The following IMMP2L variants were observed in gnomAD, a reference collection of about 807,000 sequenced individuals.
IMMP2L encodes mitochondrial inner membrane protease subunit 2.
In IMMP2L, 18 loss-of-function variants were observed where a neutral mutation model predicts 19.3. That is an observed-to-expected ratio of 0.93 (90% CI 0.64 to 1.38). IMMP2L has a LOEUF of 1.38. IMMP2L is among the 40% of genes most tolerant of loss of function. The pLI is 0.00. For missense variants in IMMP2L, 233 were observed against 218.2 expected, an observed-to-expected ratio of 1.07 and a Z score of -0.43; for synonymous variants, 76 against 73.0, an observed-to-expected ratio of 1.04 and a Z score of -0.21.
chr7:110,682,779 A>T (rs1456194416), intron 5 of IMMP2L, among the ~76,000 whole-genome samples: 1 of 152,134 alleles, frequency 6.6e-6, no homozygotes, highest in Non-Finnish European at 1.5e-5. Context: ...TAGAACTTAG[A>T]GATTCAGGAG....
At chr7:111,528,336 T>C (rs530400943) in intron 1 of IMMP2L, among the ~76,000 whole-genome samples, 1 of 152,268 alleles carries the variant, frequency 6.6e-6, no homozygotes, top group Admixed American at 6.5e-5. Context: ...AAGGGAATAA[T>C]TTTTATCAGT....
intron 4 of IMMP2L, among the ~76,000 whole-genome samples, chr7:110,941,732 A>G (rs1166763608): frequency 1.3e-5 from 2 of 152,156 alleles, no homozygotes; most frequent in African/African-American, 2.4e-5. Context: ...GTGAAATCTA[A>G]TATTAAGTAA....
At chr7:111,558,232 A>G (rs1166937603) in intron 1 of IMMP2L, among the ~76,000 whole-genome samples, 1 of 151,960 alleles carries the variant, frequency 6.6e-6, no homozygotes, top group African/African-American at 2.4e-5. Flanking sequence ...TCAGTTCACA[A>G]CCCCTCTCCT....
At chr7:111,504,417 A>G (rs1248472817) in intron 2 of IMMP2L, among the ~76,000 whole-genome samples, 1 of 151,596 alleles carries the variant, frequency 6.6e-6, no homozygotes, top group East Asian at 1.9e-4. Flanking sequence ...TATAGATTCA[A>G]TGCCATCCCC....
intron 3 of IMMP2L, among the ~76,000 whole-genome samples, chr7:111,451,095 CT>C (rs1288349847): frequency 6.8e-6 from 1 of 147,018 alleles, no homozygotes; most frequent in Non-Finnish European, 1.5e-5. Flanking sequence ...AATAGGAACA[CT>C]TTTACACTGT....
chr7:111,061,676 C>G (rs1255478705), intron 3 of IMMP2L, among the ~76,000 whole-genome samples: 1 of 152,172 alleles, frequency 6.6e-6, no homozygotes, highest in Non-Finnish European at 1.5e-5. Flanking sequence ...TAGCAAACTT[C>G]TAAGAGGTCT....
At chr7:111,464,198 C>A (rs552377409) in intron 3 of IMMP2L, among the ~76,000 whole-genome samples, 34 of 152,266 alleles carry the variant, frequency 2.2e-4, no homozygotes, top group African/African-American at 7.9e-4. Flanking sequence ...GCCAGGATTA[C>A]AGGTATAGCT....
intron 5 of IMMP2L, among the ~76,000 whole-genome samples, chr7:110,673,606 G>A (rs914154764): frequency 3.9e-5 from 6 of 152,114 alleles, no homozygotes; most frequent in Non-Finnish European, 5.9e-5. Context: ...AATTTCTTCC[G>A]GCAGATATCC....
intron 5 of IMMP2L, among the ~76,000 whole-genome samples, chr7:110,769,665 T>C (rs1005086464): frequency 2.6e-5 from 4 of 152,056 alleles, no homozygotes; most frequent in African/African-American, 9.7e-5. Flanking sequence ...ATCCATGCTA[T>C]TCTGATCACC....
chr7:111,259,846 G>C (rs189666561), intron 3 of IMMP2L, among the ~76,000 whole-genome samples: 2 of 152,054 alleles, frequency 1.3e-5, no homozygotes, highest in Non-Finnish European at 2.9e-5. Context: ...TTTAAAAAAT[G>C]TTTTAAATAT....
intron 2 of IMMP2L, among the ~76,000 whole-genome samples, chr7:111,511,289 T>C (rs936370960): frequency 3.9e-5 from 6 of 151,912 alleles, no homozygotes; most frequent in African/African-American, 7.3e-5. Flanking sequence ...TCTTTTTGCT[T>C]CTCATATATC....
At chr7:110,820,754 G>A (rs538928428) in intron 5 of IMMP2L, among the ~76,000 whole-genome samples, 54 of 152,050 alleles carry the variant, frequency 3.6e-4, no homozygotes, top group Middle Eastern at 3.4e-3. Context: ...TACTCATGAT[G>A]GCACAGACTC....
intron 3 of IMMP2L, among the ~76,000 whole-genome samples, chr7:111,000,179 C>T (rs1280325093): frequency 1.3e-5 from 2 of 152,088 alleles, no homozygotes; most frequent in South Asian, 2.1e-4. Flanking sequence ...TCAATTAATC[C>T]CTGTTTACAT....
intron 4 of IMMP2L, among the ~76,000 whole-genome samples, chr7:110,911,291 A>C (rs1218004156): frequency 6.6e-6 from 1 of 152,158 alleles, no homozygotes; most frequent in African/African-American, 2.4e-5. Flanking sequence ...GCATGCATTC[A>C]AATTCAGCTT....
intron 3 of IMMP2L, among the ~76,000 whole-genome samples, chr7:111,349,908 T>C (rs1354312297): frequency 6.6e-6 from 1 of 151,940 alleles, no homozygotes; most frequent in Non-Finnish European, 1.5e-5. Context: ...CCACACCCAA[T>C]ATCATGGCTC....
chr7:110,775,960 C>T (rs572877545), intron 5 of IMMP2L, among the ~76,000 whole-genome samples: 3 of 139,038 alleles, frequency 2.2e-5, no homozygotes, highest in East Asian at 4.0e-4. Flanking sequence ...AAAATACACA[C>T]ATGTAAAAAA....
intron 3 of IMMP2L, among the ~76,000 whole-genome samples, chr7:111,267,380 T>C: frequency 6.6e-6 from 1 of 152,184 alleles, no homozygotes; most frequent in South Asian, 2.1e-4. Flanking sequence ...TATTTAAACA[T>C]ACCCTAATTT....
chr7:111,556,328 G>T (rs1478542871), intron 1 of IMMP2L, among the ~76,000 whole-genome samples: 2 of 151,838 alleles, frequency 1.3e-5, no homozygotes, highest in African/African-American at 4.8e-5. Flanking sequence ...CACAAAAATG[G>T]ATAACTATGT....
chr7:110,779,466 A>G (rs535484247), intron 5 of IMMP2L, among the ~76,000 whole-genome samples: 28 of 151,968 alleles, frequency 1.8e-4, no homozygotes, highest in Non-Finnish European at 3.1e-4. Flanking sequence ...CGAGAAAAAC[A>G]TGACTTGAAC....
Sources: allele counts gnomAD v4.1 joint callset (sites outside exome capture counted in the v4.1 genomes callset), GRCh38; gene constraint gnomAD v4.1.1; transcripts MANE v1.5; gene names NCBI Gene and HGNC (gene_info 2026-07-23, HGNC 2026-07-21).